NBPF9: variants seen among roughly 807,000 people sequenced by gnomAD.
NBPF9 encodes NBPF family member NBPF9.
In NBPF9, 91 loss-of-function variants were observed where a neutral mutation model predicts 97.8. The observed-to-expected ratio is 0.93, with a 90% CI of 0.79 to 1.11. NBPF9 has a LOEUF of 1.11. Ranked by LOEUF, NBPF9 falls within the 50% of genes least tolerant of loss-of-function variation. NBPF9 has a pLI of 0.00. For missense variants in NBPF9, 992 were observed against 939.5 expected, an observed-to-expected ratio of 1.06 and a Z score of -0.73; for synonymous variants, 334 against 359.5, an observed-to-expected ratio of 0.93 and a Z score of 0.80.
chr1:149,076,783 C>T (rs1451985968), intron 11 of NBPF9, among the ~76,000 whole-genome samples: 1 of 151,318 alleles, frequency 6.6e-6, no homozygotes, highest in Non-Finnish European at 1.5e-5. Context: ...GCTCGGATTA[C>T]AGGTGTGACC....
chr1:149,060,841 G>T (rs2078542770), intron 23 of NBPF9, 146 bp from the exon 24 acceptor site: 3 of 409,946 alleles, frequency 7.3e-6, no homozygotes, highest in African/African-American at 3.3e-5. Flanking sequence ...TTGCCTTCAT[G>T]TTGGGACACA....
In NBPF9 at chr1:149,062,114, C is replaced by T. The variant is rs1453744177; in HGVS notation, c.2230G>A (p.Gly744Ser). 44 of 1,180,494 alleles carry T rather than the reference C, an allele frequency of 3.7e-5. No individual in the cohort carries two copies. The East Asian group carries it at 1.1e-3, about 28-fold the overall frequency. The allele number at this position is 1,180,494 out of a possible 1,614,324, so 73.1% of individuals were successfully genotyped here. A position where few individuals can be genotyped will look rare whatever the true frequency, so the allele number is the denominator to read the frequency against. The change falls in exon 22 of 30, where the codon GGC (glycine) becomes AGC (serine). Residue 744 changes from glycine (G) to serine (S), a missense_variant. This residue lies in a region of NBPF9 where 397 missense variants were observed against 213.6 expected (regional missense o/e 1.86). Coordinates refer to ENST00000584027, the Ensembl canonical transcript of NBPF9. ...TCACTGTCCAAGTCAAGAGCCAAGC[C>T]AAGGTACTGTTCCTCCAATGAGTAA...
intron 5 of NBPF9, among the ~76,000 whole-genome samples, chr1:149,085,212 CTTTT>C (rs781973948): frequency 2.0e-5 from 3 of 151,596 alleles, no homozygotes; most frequent in East Asian, 1.9e-4. Context: ...GGCTGGAAAA[CTTTT>C]TTTTGATAGA....
chr1:149,087,046 G>A (rs1487373370), intron 5 of NBPF9, among the ~76,000 whole-genome samples: 14 of 151,966 alleles, frequency 9.2e-5, no homozygotes, highest in South Asian at 2.1e-4. Context: ...GCTATTTTCA[G>A]CCTTTTTAAT....
intron 23 of NBPF9, 190 bp downstream of exon 23, chr1:149,061,142 T>C: frequency 2.7e-6 from 1 of 371,086 alleles, no homozygotes; most frequent in East Asian, 3.4e-5. Flanking sequence ...AGTAGGTTAG[T>C]AAATGATAAG....
Position 149,074,298 on chromosome 1 carries a change from C to T in NBPF9, c.989-428G>A, listed in dbSNP as rs1392705071. ...ATGGTTTCCCTTTTACTGGGAATTTCAAGGACAAGTATGCGAAAGATTTTT... is the reference window on the plus strand; with the variant it reads ...ATGGTTTCCCTTTTACTGGGAATTTTAAGGACAAGTATGCGAAAGATTTTT... On this transcript the variant is annotated intron_variant, in intron 12 of 29. Transcript: ENST00000584027. 2.6e-5 allele frequency among the ~76,000 whole-genome samples: 4 copies of T among 151,352 alleles called. 1 individual carries two copies. The highest frequency in any genetic ancestry group is 1.3e-4 in the Admixed American group (2 of 15,168).
chr1:149,063,102 G>C lies in NBPF9; in HGVS notation c.2027-189C>G, dbSNP rs2078745308. Among the ~76,000 whole-genome samples, 3 of 142,442 alleles carry C rather than the reference G, an allele frequency of 2.1e-5. No individual in the cohort carries two copies. The South Asian group carries it at 7.1e-4, about 34-fold the overall frequency. The allele number at this position is 142,442 out of a possible 152,430, so 93.4% of individuals were successfully genotyped here. A position where few individuals can be genotyped will look rare whatever the true frequency, so the allele number is the denominator to read the frequency against. On this transcript the variant is annotated intron_variant, in intron 20 of 29. Transcript: ENST00000584027. Reference sequence around the variant, plus strand: ...TTCCTTGGTTTTTGTCCCAGAAACTGTGGGTAAAATTCCCTATTCTGGTAG... The same window carrying C: ...TTCCTTGGTTTTTGTCCCAGAAACTCTGGGTAAAATTCCCTATTCTGGTAG...
At chr1:149,070,171 A>T (rs1553652603) in intron 16 of NBPF9, among the ~76,000 whole-genome samples, 2 of 149,948 alleles carry the variant, frequency 1.3e-5, no homozygotes, top group Non-Finnish European at 2.9e-5. Flanking sequence ...AAATACAAAA[A>T]TTAGCCAGAT....
chr1:149,063,029 C>T (rs1553650539), intron 20 of NBPF9, 116 bp from the exon 21 acceptor site: 1 of 565,426 alleles, frequency 1.8e-6, no homozygotes. Context: ...GAATAGGACA[C>T]TGTGAGAGAT....
chr1:149,075,652 T>C lies in NBPF9; in HGVS notation c.988+3A>G, dbSNP rs587634146. 1 of 1,607,576 alleles carries C rather than the reference T, an allele frequency of 6.2e-7. No individual in the cohort carries two copies. The highest frequency in any genetic ancestry group is 1.3e-5 in the African/African-American group (1 of 74,944). On this transcript the variant is annotated splice_donor_region_variant and intron_variant, in intron 12 of 29. Coordinates refer to ENST00000584027, the Ensembl canonical transcript of NBPF9. The stretch of plus-strand genomic sequence containing the variant: ...TTCGTGATGGTGAGCCTATAGATCT[T>C]ACTGTATTTGTTCTGCTGGTTGGCC...
intron 29 of NBPF9, among the ~76,000 whole-genome samples, 171 bp from the exon 30 acceptor site, chr1:149,056,070 G>A (rs1236149092): frequency 1.3e-5 from 2 of 151,924 alleles, no homozygotes; most frequent in Admixed American, 1.3e-4. Context: ...AACAGGGCCA[G>A]GTAGAAAACA....
At chr1:149,053,922 A>T (rs1368179440), downstream of NBPF9, 12 of 146,702 alleles carry the variant, frequency 8.2e-5, no homozygotes, top group Admixed American at 4.0e-4. Context: ...ACAGACACAC[A>T]CACACTCACA....
chr1:149,098,132 T>G, intron 4 of NBPF9, among the ~76,000 whole-genome samples: 9 of 136,156 alleles, frequency 6.6e-5, no homozygotes, highest in African/African-American at 8.2e-5. Flanking sequence ...GGGCAGAGAA[T>G]GGGGGGTAAG....
intron 5 of NBPF9, chr1:149,090,212 T>A (rs1203331303): frequency 6.6e-6 from 1 of 152,308 alleles, no homozygotes; most frequent in Non-Finnish European, 1.4e-5. Context: ...TACCTCCAAA[T>A]GTTCCTTTGG....
chr1:149,055,802 C>G (rs782555725), exon 30 of NBPF9: 2 of 1,611,002 alleles, frequency 1.2e-6, no homozygotes, highest in Non-Finnish European at 8.5e-7. Context: ...TGGAATGAGT[C>G]AGGTAGTTCA....
chr1:149,070,905 G>A (rs376167823), intron 16 of NBPF9, 29 bp downstream of exon 16: 3 of 1,608,474 alleles, frequency 1.9e-6, no homozygotes, highest in Non-Finnish European at 2.5e-6. Context: ...CTAGAGAGAG[G>A]TATGAGACAC....
intron 17 of NBPF9, among the ~76,000 whole-genome samples, chr1:149,067,397 T>C (rs1379785672): frequency 5.1e-4 from 66 of 129,612 alleles, no homozygotes; most frequent in Middle Eastern, 7.6e-3. Context: ...TCCACATTGG[T>C]GTGCTTCACC....
exon 30 of NBPF9, chr1:149,055,628 T>C: frequency 6.2e-7 from 1 of 1,611,700 alleles, no homozygotes; most frequent in East Asian, 2.2e-5. Flanking sequence ...CCTGCAGGAA[T>C]GACATCTCTC....
At chr1:149,072,359 C>A (rs1283260554) in intron 14 of NBPF9, among the ~76,000 whole-genome samples, 12 of 152,168 alleles carry the variant, frequency 7.9e-5, no homozygotes, top group Non-Finnish European at 1.6e-4. Context: ...CTGACAGTAA[C>A]TAAGAACATT....
Sources: allele counts gnomAD v4.1 joint callset (sites outside exome capture counted in the v4.1 genomes callset), GRCh38; gene constraint gnomAD v4.1.1; regional missense constraint gnomAD v4.1.1; transcripts MANE v1.5; gene names NCBI Gene and HGNC (gene_info 2026-07-23, HGNC 2026-07-21).